The following RAB30 variants were observed in gnomAD, a reference collection of about 807,000 sequenced individuals.
The protein encoded by RAB30 is RAB30, member RAS oncogene family.
A neutral mutation model predicts 25.1 loss-of-function variants in RAB30; 9 were observed. That is an observed-to-expected ratio of 0.36 (90% CI 0.22 to 0.63). The LOEUF (loss-of-function observed/expected upper bound fraction) is 0.63. RAB30 is among the 20% of genes least tolerant of loss of function. The pLI, the probability that RAB30 is intolerant of heterozygous loss-of-function variation, is 0.69. For missense variants in RAB30, 140 were observed against 243.5 expected, an observed-to-expected ratio of 0.58 and a Z score of 2.83; for synonymous variants, 77 against 86.4, an observed-to-expected ratio of 0.89 and a Z score of 0.60.
chr11:83,041,754 C>T (rs535215134), intron 1 of RAB30, among the ~76,000 whole-genome samples: 1 of 151,744 alleles, frequency 6.6e-6, no homozygotes, highest in Non-Finnish European at 1.5e-5. Flanking sequence ...AAGTTTTTAA[C>T]CTAGGCCATG....
At position 82,982,262 on chromosome 11, in the gene RAB30, C is replaced by T; in HGVS notation, c.515G>A (p.Ser172Asn). Reference protein sequence around the residue: ...LFLDLACRLISEARQNTLVNN... With the variant: ...LFLDLACRLINEARQNTLVNN... Reference sequence around the variant, plus strand: ...CACAAGTGTGTTCTGTCTGGCTTCACTGATGAGTCGGCATGCTAAGTCAAG... The same window carrying T: ...CACAAGTGTGTTCTGTCTGGCTTCATTGATGAGTCGGCATGCTAAGTCAAG... The change falls in exon 5 of 5, where the codon AGT becomes AAT. Residue 172 changes from serine to asparagine, a missense_variant. Transcript: ENST00000527633. 3.7e-6 allele frequency: 6 copies of T among 1,614,254 alleles called. No homozygotes were observed. The highest frequency in any genetic ancestry group is 5.1e-6 in the Non-Finnish European group (6 of 1,180,038).
At chr11:82,990,835 G>C (rs1436481026) in intron 3 of RAB30, among the ~76,000 whole-genome samples, 1 of 151,918 alleles carries the variant, frequency 6.6e-6, no homozygotes, top group African/African-American at 2.4e-5. Context: ...CAGTTCAGTG[G>C]TCTATATATG....
rs1402604651 is a variant in RAB30, at chr11:82,982,074, A to G, written c.*91T>C. 1.3e-6 allele frequency: 2 copies of G among 1,543,874 alleles called. No individual in the cohort carries two copies. Among genetic ancestry groups the G allele is most frequent in the African/African-American group, 2.7e-5 (2 of 73,414 alleles). On this transcript the variant is annotated 3_prime_UTR_variant, in exon 5 of 5. Transcript: ENST00000527633. ...GCCCACAGGAGTCAGAAGGTCAGAG[A>G]GCGGGAGCCACAGTCATCGCCAGAT...
chr11:82,978,169 G>C lies in RAB30; in HGVS notation c.*3996C>G, dbSNP rs1427442801. ...CATAGTATAAACATGTCAGGACCAT[G>C]GTTGAGAAAAGTAACCAGTTGCAGT... On this transcript the variant is annotated 3_prime_UTR_variant, in exon 5 of 5. Coordinates refer to ENST00000527633, the MANE Select transcript of RAB30 (RefSeq NM_001286060.2). The C allele has an allele frequency of 6.6e-6, 1 of 152,006 alleles. No individual in the cohort carries two copies. The highest frequency in any genetic ancestry group is 1.5e-5 in the Non-Finnish European group (1 of 67,988). 9.4% of individuals were successfully genotyped at this position (152,006 alleles called of 1,614,324 possible).
At chr11:83,034,575 T>C (rs2121514205) in intron 1 of RAB30, 1 of 152,136 alleles carries the variant, frequency 6.6e-6, no homozygotes, top group Non-Finnish European at 1.5e-5. Context: ...GAAACAGTCA[T>C]TTAAAAAAAA....
At chr11:82,984,945 A>G (rs1467785758) in intron 4 of RAB30, among the ~76,000 whole-genome samples, 1 of 152,212 alleles carries the variant, frequency 6.6e-6, no homozygotes, top group Non-Finnish European at 1.5e-5. Flanking sequence ...ATCAATAATA[A>G]TAATTGCAAG....
intron 4 of RAB30, among the ~76,000 whole-genome samples, chr11:82,985,099 T>C (rs547206564): frequency 1.3e-5 from 2 of 152,250 alleles, no homozygotes; most frequent in South Asian, 4.1e-4. Context: ...TGCCTTGGCC[T>C]CCCGCTGGGA....
At chr11:83,062,725 G>C (rs916460191) in intron 1 of RAB30, among the ~76,000 whole-genome samples, 6 of 152,268 alleles carry the variant, frequency 3.9e-5, no homozygotes, top group Non-Finnish European at 7.4e-5. Flanking sequence ...GCTCAGCCAG[G>C]CATGGTGGCT....
intron 1 of RAB30, among the ~76,000 whole-genome samples, chr11:83,025,129 T>C (rs1476679058): frequency 6.6e-6 from 1 of 152,236 alleles, no homozygotes; most frequent in Non-Finnish European, 1.5e-5. Flanking sequence ...ATTTGCATTT[T>C]ACCAGGACTT....
chr11:82,995,633 A>G (rs1856941532), intron 2 of RAB30, among the ~76,000 whole-genome samples: 1 of 152,236 alleles, frequency 6.6e-6, no homozygotes, highest in Admixed American at 6.5e-5. Flanking sequence ...CAAATAAGAA[A>G]GAAGAAAAAA....
chr11:83,034,586 A>C (rs865814462), intron 1 of RAB30: 5 of 152,186 alleles, frequency 3.3e-5, no homozygotes, highest in African/African-American at 1.2e-4. Context: ...TTAAAAAAAA[A>C]CAAAAAGTCT....
At chr11:82,990,445 T>G (rs1856828590) in intron 3 of RAB30, among the ~76,000 whole-genome samples, 1 of 152,212 alleles carries the variant, frequency 6.6e-6, no homozygotes, top group Non-Finnish European at 1.5e-5. Flanking sequence ...ATTTCACAGA[T>G]GGAGCTAGAT....
chr11:82,999,088 G>A (rs551544619), intron 1 of RAB30, among the ~76,000 whole-genome samples: 2 of 152,174 alleles, frequency 1.3e-5, no homozygotes, highest in Admixed American at 1.3e-4. Flanking sequence ...AGTTCATTGG[G>A]CCTGTGAAGG....
chr11:83,029,702 G>C (rs1857807933), intron 1 of RAB30, among the ~76,000 whole-genome samples: 1 of 151,832 alleles, frequency 6.6e-6, no homozygotes, highest in Non-Finnish European at 1.5e-5. Context: ...GTAATTCCTT[G>C]ATATCATCTC....
chr11:83,071,473 G>C (rs1858845515), intron 1 of RAB30: 1 of 152,242 alleles, frequency 6.6e-6, no homozygotes. Flanking sequence ...TGCGACTAGG[G>C]AATTGGCAGG....
chr11:83,016,530 T>C (rs1050912403), intron 1 of RAB30, among the ~76,000 whole-genome samples: 10 of 152,228 alleles, frequency 6.6e-5, no homozygotes, highest in African/African-American at 2.4e-4. Flanking sequence ...AATTTAATGA[T>C]GGCAGAGACA....
chr11:83,000,203 T>C (rs1020896770), intron 1 of RAB30, among the ~76,000 whole-genome samples: 3 of 152,210 alleles, frequency 2.0e-5, no homozygotes, highest in Non-Finnish European at 4.4e-5. Flanking sequence ...CCAGATAATC[T>C]GGCTGTCACA....
At chr11:83,060,674 T>A (rs200308419) in intron 1 of RAB30, among the ~76,000 whole-genome samples, 2 of 152,136 alleles carry the variant, frequency 1.3e-5, no homozygotes, top group African/African-American at 4.8e-5. Context: ...AATTTCAATA[T>A]CATAAAAGGC....
Position 82,975,044 on chromosome 11 carries a change from C to T in RAB30, c.*7121G>A. On this transcript the variant is annotated 3_prime_UTR_variant, in exon 5 of 5. Transcript: ENST00000527633. Reference sequence around the variant, plus strand: ...TATATACTATCAAAGGAGCTCCAACCATCTGGTATGTCTGGAAGACACTTC... The same window carrying T: ...TATATACTATCAAAGGAGCTCCAACTATCTGGTATGTCTGGAAGACACTTC... 1 of 151,416 alleles carries T rather than the reference C, an allele frequency of 6.6e-6. No individual in the cohort carries two copies. Among genetic ancestry groups the T allele is most frequent in the Non-Finnish European group, 1.5e-5 (1 of 67,846 alleles). The allele number at this position is 151,416 out of a possible 1,614,324, so 9.4% of individuals were successfully genotyped here.
Sources: allele counts gnomAD v4.1 joint callset (sites outside exome capture counted in the v4.1 genomes callset), GRCh38; gene constraint gnomAD v4.1.1; transcripts MANE v1.5; gene names NCBI Gene and HGNC (gene_info 2026-07-23, HGNC 2026-07-21).